IPO8: variants seen among roughly 807,000 people sequenced by gnomAD.
The protein encoded by IPO8 is importin-8.
In IPO8, 65 loss-of-function variants were observed where a neutral mutation model predicts 141.2. The ratio of observed to expected loss-of-function variants is 0.46; its 90% CI spans 0.38 to 0.57. IPO8 has a LOEUF of 0.57. IPO8 is among the 20% of genes least tolerant of loss of function. The pLI is 0.00. For synonymous variants in IPO8, 411 were observed against 420.3 expected (o/e 0.98, Z 0.27); for missense variants, 980 against 1,246.8 (o/e 0.79, Z 3.22).
intron 5 of IPO8, chr12:30,677,201 C>T: frequency 1.5e-6 from 1 of 670,418 alleles, no homozygotes; most frequent in Admixed American, 2.2e-5. Flanking sequence ...TCATGCACCA[C>T]ATAACAAATG....
intron 2 of IPO8, 71 bp from the exon 3 acceptor site, chr12:30,684,528 G>T (rs1283462266): frequency 1.4e-6 from 2 of 1,473,824 alleles, no homozygotes; most frequent in Non-Finnish European, 1.9e-6. Context: ...TACAGAGCAT[G>T]AAAGTCCAAA....
intron 2 of IPO8, among the ~76,000 whole-genome samples, chr12:30,688,188 G>C (rs2053260518): frequency 6.6e-6 from 1 of 152,036 alleles, no homozygotes; most frequent in African/African-American, 2.4e-5. Context: ...TTTAAGATAG[G>C]CTTCCTTCAC....
intron 16 of IPO8, among the ~76,000 whole-genome samples, chr12:30,660,805 C>T (rs1267880997): frequency 6.6e-6 from 1 of 152,032 alleles, no homozygotes; most frequent in Non-Finnish European, 1.5e-5. Context: ...TTGTTGGTTC[C>T]CAGAAAGCTG....
chr12:30,695,718 T>A lies in IPO8; in HGVS notation c.-71A>T. ...TGCAGCTTTAGTTTTCTTTTGACCC[T>A]CTCAGCCTCCTCTTCCGCGACCCCT... On this transcript the variant is annotated 5_prime_UTR_variant, in exon 1 of 25. Transcript: ENST00000256079. The surrounding 1 kb of genome is among the most constrained non-coding windows in gnomAD (Gnocchi z 4.2). 1 of 1,404,084 alleles carries A rather than the reference T, an allele frequency of 7.1e-7. No homozygotes were observed. The highest frequency in any genetic ancestry group is 1.2e-5 in the South Asian group (1 of 81,984). The allele number at this position is 1,404,084 out of a possible 1,614,324, so 87.0% of individuals were successfully genotyped here. A position where few individuals can be genotyped will look rare whatever the true frequency, so the allele number is the denominator to read the frequency against.
chr12:30,637,249 G>T, intron 21 of IPO8, 62 bp from the exon 22 acceptor site: 2 of 1,245,094 alleles, frequency 1.6e-6, no homozygotes, highest in Admixed American at 3.5e-5. Context: ...ACAAATTCTG[G>T]AGAAACTACA....
intron 17 of IPO8, among the ~76,000 whole-genome samples, 171 bp from the exon 18 acceptor site, chr12:30,653,263 T>C (rs1055715489): frequency 2.6e-5 from 4 of 152,036 alleles, no homozygotes; most frequent in Non-Finnish European, 5.9e-5. Context: ...ATCTGCCTCC[T>C]TCCATTTCTT....
intron 16 of IPO8, among the ~76,000 whole-genome samples, chr12:30,660,883 T>C (rs1186022142): frequency 1.3e-5 from 2 of 151,486 alleles, no homozygotes; most frequent in Admixed American, 1.3e-4. Flanking sequence ...TATGATTAAC[T>C]GAACTCAAGT....
intron 3 of IPO8, among the ~76,000 whole-genome samples, chr12:30,683,409 G>A (rs1467854227): frequency 6.6e-6 from 1 of 151,948 alleles, no homozygotes. Context: ...GATACTAAGG[G>A]CTAACGTTAT....
intron 19 of IPO8, among the ~76,000 whole-genome samples, chr12:30,650,709 G>A (rs913343339): frequency 1.3e-5 from 2 of 151,986 alleles, no homozygotes; most frequent in African/African-American, 4.8e-5. Context: ...CATTTACTTG[G>A]GGACCATTTG....
At chr12:30,662,534 A>G (rs1217028694) in intron 14 of IPO8, 47 bp from the exon 15 acceptor site, 1 of 1,457,672 alleles carries the variant, frequency 6.9e-7, no homozygotes, top group Non-Finnish European at 9.5e-7. Flanking sequence ...CCATGCCCAG[A>G]TGATAAAAGG....
Position 30,695,171 on chromosome 12 carries a change from A to G in IPO8, c.84+393T>C, listed in dbSNP as rs1591850222. On this transcript the variant is annotated intron_variant, in intron 1 of 24. Transcript: ENST00000256079. The surrounding 1 kb of genome is among the most constrained non-coding windows in gnomAD (Gnocchi z 4.2). Reference sequence around the variant, plus strand: ...CCTAAAAAGGGCTGGGTTTGGAAAAAAGCTGAACTCAGATTTGAACTGTAA... The same window carrying G: ...CCTAAAAAGGGCTGGGTTTGGAAAAGAGCTGAACTCAGATTTGAACTGTAA... The G allele has an allele frequency of 5.2e-6, 2 of 382,106 alleles. No homozygotes were observed. The highest frequency in any genetic ancestry group is 1.4e-4 in the East Asian group (2 of 14,362). The allele number at this position is 382,106 out of a possible 1,614,324, so 23.7% of individuals were successfully genotyped here. A position where few individuals can be genotyped will look rare whatever the true frequency, so the allele number is the denominator to read the frequency against.
At position 30,671,037 on chromosome 12, in the gene IPO8, A is replaced by G. The variant is rs1054426; in HGVS notation, c.969T>C (p.Leu323=). 827,227 of 1,609,624 alleles carry G rather than the reference A, an allele frequency of 0.51. 216,396 individuals carry two copies. Among genetic ancestry groups the G allele is most frequent in the African/African-American group, 0.67 (50,407 of 74,816 alleles). Residue 323 remains leucine, a synonymous_variant, in exon 9 of 25, where the codon CTT becomes CTC. Coordinates refer to ENST00000256079, the MANE Select transcript of IPO8 (RefSeq NM_006390.4). ...RQKEYVAPRV[L]QQAFNYLNQG... ...GGTTGAGATAGTTGAATGCTTGCTG[A>G]AGAACACGGGGAGCTACATATTCTT...
At chr12:30,639,761 A>G (rs1326786284) in intron 20 of IPO8, 26 bp from the exon 21 acceptor site, 1 of 1,550,628 alleles carries the variant, frequency 6.4e-7, no homozygotes, top group Admixed American at 1.7e-5. Flanking sequence ...AAGAAAGTCA[A>G]CCACACAGAC....
intron 18 of IPO8, among the ~76,000 whole-genome samples, chr12:30,652,705 T>A (rs533274938): frequency 4.2e-4 from 64 of 152,220 alleles, no homozygotes; most frequent in African/African-American, 1.5e-3. Context: ...TTGGTGTCCA[T>A]AAAATACTTA....
intron 24 of IPO8, 30 bp from the exon 25 acceptor site, chr12:30,630,987 G>GA (rs749996419): frequency 5.5e-4 from 825 of 1,508,400 alleles, no homozygotes; most frequent in Non-Finnish European, 6.1e-4. Context: ...AAGGGGAGAA[G>GA]AAAAAAAAAG....
Position 30,695,403 on chromosome 12 carries a change from A to G in IPO8, c.84+161T>C, listed in dbSNP as rs1361487702. ...GCAAAGATCCTGGGAGCCCTGCTCC[A>G]CTGGACCGGGGGGCAGCGGGGTCGG... On this transcript the variant is annotated intron_variant, in intron 1 of 24. Coordinates refer to ENST00000256079, the MANE Select transcript of IPO8 (RefSeq NM_006390.4). The surrounding 1 kb of genome is among the most constrained non-coding windows in gnomAD (Gnocchi z 4.2). 6.6e-6 allele frequency among the ~76,000 whole-genome samples: 1 copy of G among 152,178 alleles called. No homozygotes were observed. Among genetic ancestry groups the G allele is most frequent in the East Asian group, 1.9e-4 (1 of 5,172 alleles).
intron 22 of IPO8, 111 bp from the exon 23 acceptor site, chr12:30,634,397 T>C (rs1209880131): frequency 1.5e-5 from 11 of 757,008 alleles, no homozygotes; most frequent in Non-Finnish European, 2.3e-5. Flanking sequence ...GGAAAAAATC[T>C]TCCACAAAAT....
chr12:30,695,582 G>A lies in IPO8; in HGVS notation c.66C>T (p.Ala22=), dbSNP rs928308012. ...GTIDPKLRIA[A]ENELNQSYKI... The stretch of plus-strand genomic sequence containing the variant: ...TCCTCACCTGGTTGAGCTCGTTCTC[G>A]GCTGCAATCCGCAACTTCGGGTCGA... The change falls in exon 1 of 25, where the codon GCC becomes GCT. Residue 22 remains alanine, a synonymous_variant. Transcript: ENST00000256079. The surrounding 1 kb of genome is among the most constrained non-coding windows in gnomAD (Gnocchi z 4.2). 2.5e-6 allele frequency: 4 copies of A among 1,614,048 alleles called. No individual in the cohort carries two copies. Among genetic ancestry groups the A allele is most frequent in the African/African-American group, 1.3e-5 (1 of 75,056 alleles).
intron 1 of IPO8, among the ~76,000 whole-genome samples, chr12:30,692,905 C>A (rs1269835578): frequency 6.6e-6 from 1 of 152,164 alleles, no homozygotes; most frequent in African/African-American, 2.4e-5. Flanking sequence ...GCACTTATGA[C>A]CTGAAATTAT....
Sources: gnomAD v4.1 joint callset for allele counts (sites outside exome capture counted in the v4.1 genomes callset) on GRCh38, gnomAD v4.1.1 for gene constraint, Gnocchi (gnomAD v3.1) non-coding constraint, MANE v1.5 for transcripts, NCBI Gene and HGNC (gene_info 2026-07-23, HGNC 2026-07-21) for gene names.